ATP2A3: variants seen among roughly 807,000 people sequenced by gnomAD.
ATP2A3 encodes ATPase sarcoplasmic/endoplasmic reticulum Ca2+ transporting 3, also known as sarcoplasmic/endoplasmic reticulum calcium ATPase 3.
ATP2A3 carries 61 observed loss-of-function variants against 106.8 expected under a neutral mutation model. The ratio of observed to expected loss-of-function variants is 0.57; its 90% CI spans 0.46 to 0.71. The LOEUF is 0.71. ATP2A3 is among the 30% of genes least tolerant of loss of function. The probability of loss-of-function intolerance (pLI) is 0.00; values close to 1 mark genes in which losing one functional copy is unlikely to be tolerated. For synonymous variants in ATP2A3, 611 were observed against 609.3 expected, an observed-to-expected ratio of 1.00 and a Z score of -0.04; for missense variants, 1,201 against 1,423.5, an observed-to-expected ratio of 0.84 and a Z score of 2.52.
rs116795797 is a variant in ATP2A3, at chr17:3,929,852, C to A, written c.2745-407G>T. Among the ~76,000 whole-genome samples the A allele has an allele frequency of 0.011, 1,640 of 149,660 alleles. 26 individuals are homozygous for A. The highest frequency in any genetic ancestry group is 0.04 in the African/African-American group (1,572 of 39,264). On this transcript the variant is annotated intron_variant, in intron 18 of 20. Transcript: ENST00000397041. This position sits in a 1 kb window ranked among gnomAD's most constrained non-coding sequence, Gnocchi z 4.3. Reference sequence around the variant, plus strand: ...ACCCCTCTAACTCCCAGACCTCAGTCCTGGACTCCCCTGACCCCTGGAACC... The same window carrying A: ...ACCCCTCTAACTCCCAGACCTCAGTACTGGACTCCCCTGACCCCTGGAACC...
At position 3,953,261 on chromosome 17, in the gene ATP2A3, G is replaced by T; in HGVS notation, c.219+86C>A. 1 of 1,454,530 alleles carries T rather than the reference G, an allele frequency of 6.9e-7. No homozygotes were observed. Among genetic ancestry groups the T allele is most frequent in the Non-Finnish European group, 9.7e-7 (1 of 1,036,216 alleles). 90.1% of individuals were successfully genotyped at this position (1,454,530 alleles called of 1,614,324 possible). A position where few individuals can be genotyped will look rare whatever the true frequency, so the allele number is the denominator to read the frequency against. ...CCCAGGGTGTGGAGGACAGGCCCAG[G>T]CTCCAGGACCTCGGAGCACTGCCCA... On this transcript the variant is annotated intron_variant, in intron 3 of 20. Coordinates refer to ENST00000397041, the MANE Select transcript of ATP2A3 (RefSeq NM_005173.4). This position sits in a 1 kb window ranked among gnomAD's most constrained non-coding sequence, Gnocchi z 5.1.
Position 3,941,059 on chromosome 17 carries a change from C to T in ATP2A3, c.2012G>A (p.Arg671His), listed in dbSNP as rs141677456. The T allele has an allele frequency of 1.9e-5, 31 of 1,613,430 alleles. No homozygotes were observed. The African/African-American group carries it at 2.1e-4, about 11-fold the overall frequency. ...LSPEQQRQAC[R>H]TARCFARVEP... ...CACGCGGGCGAAGCAGCGGGCGGTGCGGCAGGCCTGGCGCTGCTGCTCGGG... is the reference window on the plus strand; with the variant it reads ...CACGCGGGCGAAGCAGCGGGCGGTGTGGCAGGCCTGGCGCTGCTGCTCGGG... The change falls in exon 14 of 21, where the codon CGC (arginine) becomes CAC (histidine). Residue 671 changes from arginine (R) to histidine (H), a missense_variant. Transcript: ENST00000397041.
Position 3,926,169 on chromosome 17 carries a change from T to A in ATP2A3, c.2981-728A>T, listed in dbSNP as rs1479478755. Reference sequence around the variant, plus strand: ...CAGAATTCTCCCCAGGACACATCCCTCGTAAATGACATAAATCACGGGGAA... The same window carrying A: ...CAGAATTCTCCCCAGGACACATCCCACGTAAATGACATAAATCACGGGGAA... On this transcript the variant is annotated intron_variant, in intron 20 of 20. Transcript: ENST00000397041. This position sits in a 1 kb window ranked among gnomAD's most constrained non-coding sequence, Gnocchi z 4.6. 5.3e-5 allele frequency among the ~76,000 whole-genome samples: 8 copies of A among 152,062 alleles called. No individual in the cohort carries two copies.
At chr17:3,945,218 C>T (rs2054046037) in intron 8 of ATP2A3, 70 bp from the exon 9 acceptor site, 1 of 1,457,124 alleles carries the variant, frequency 6.9e-7, no homozygotes, top group Non-Finnish European at 9.3e-7. Context: ...CAGTCGACCC[C>T]AGGGTGGGGT....
At position 3,924,723 on chromosome 17, in the gene ATP2A3, T is replaced by C; in HGVS notation, c.*699A>G. 2.2e-6 allele frequency: 1 copy of C among 456,262 alleles called. No individual in the cohort carries two copies. The highest frequency in any genetic ancestry group is 1.5e-5 in the South Asian group (1 of 64,542). 28.3% of individuals were successfully genotyped at this position (456,262 alleles called of 1,614,324 possible). A position where few individuals can be genotyped will look rare whatever the true frequency, so the allele number is the denominator to read the frequency against. On this transcript the variant is annotated 3_prime_UTR_variant, in exon 21 of 21. Transcript: ENST00000397041. The surrounding 1 kb of genome is among the most constrained non-coding windows in gnomAD (Gnocchi z 6.4). The stretch of plus-strand genomic sequence containing the variant: ...TCCAGCCAGGCTTTCCCGACTTGTC[T>C]CCCGGGAAAGGACATCCTCGCTCCG...
At position 3,930,202 on chromosome 17, in the gene ATP2A3, A is replaced by G; in HGVS notation, c.2744+99T>C. 1.8e-6 allele frequency: 2 copies of G among 1,127,384 alleles called. No individual in the cohort carries two copies. The highest frequency in any genetic ancestry group is 2.3e-6 in the Non-Finnish European group (2 of 883,258). 69.8% of individuals were successfully genotyped at this position (1,127,384 alleles called of 1,614,324 possible). ...GGCCCCAGCTCCAGGCCCTGCGCCC[A>G]GCCCACCTGGACCCCTGACCCTCAG... is the stretch of plus-strand genomic sequence containing the variant. On this transcript the variant is annotated intron_variant, in intron 18 of 20. Coordinates refer to ENST00000397041, the MANE Select transcript of ATP2A3 (RefSeq NM_005173.4). This position sits in a 1 kb window ranked among gnomAD's most constrained non-coding sequence, Gnocchi z 5.4.
chr17:3,946,747 G>T (rs980656342), intron 8 of ATP2A3, among the ~76,000 whole-genome samples: 1 of 152,170 alleles, frequency 6.6e-6, no homozygotes, highest in Admixed American at 6.5e-5. Flanking sequence ...GTGGAAGCAG[G>T]GGTGACAGAG....
chr17:3,927,656 C>T (rs1264867748), intron 20 of ATP2A3: 8 of 985,176 alleles, frequency 8.1e-6, no homozygotes, highest in Middle Eastern at 5.2e-4. Context: ...CCTTGCTCAG[C>T]TCCCCCCACC....
At position 3,925,411 on chromosome 17, in the gene ATP2A3, G is replaced by C. The variant is rs767781778; in HGVS notation, c.*11C>G. 1.2e-6 allele frequency: 2 copies of C among 1,613,850 alleles called. No individual in the cohort carries two copies. The highest frequency in any genetic ancestry group is 1.7e-6 in the Non-Finnish European group (2 of 1,179,920). On this transcript the variant is annotated 3_prime_UTR_variant, in exon 21 of 21. Coordinates refer to ENST00000397041, the MANE Select transcript of ATP2A3 (RefSeq NM_005173.4). The surrounding 1 kb of genome is among the most constrained non-coding windows in gnomAD (Gnocchi z 4.2). The stretch of plus-strand genomic sequence containing the variant: ...AGGTACACACCGGAGACTCCACTCT[G>C]TTCCCAGCGCTCACTTCTGGCTCAT...
rs1024634978 is a variant in ATP2A3, at chr17:3,953,556, G to A, written c.137-127C>T. On this transcript the variant is annotated intron_variant, in intron 2 of 20. Coordinates refer to ENST00000397041, the MANE Select transcript of ATP2A3 (RefSeq NM_005173.4). The surrounding 1 kb of genome is among the most constrained non-coding windows in gnomAD (Gnocchi z 5.1). The stretch of plus-strand genomic sequence containing the variant: ...ACTCAGAAGAGGGAGAACCCAGGTC[G>A]CTGAGAGGCTCAGGTGGGTGATCCT... 20 of 1,480,270 alleles carry A rather than the reference G, an allele frequency of 1.4e-5. No homozygotes were observed. Among genetic ancestry groups the A allele is most frequent in the Admixed American group, 3.8e-5 (2 of 52,116 alleles). The allele number at this position is 1,480,270 out of a possible 1,614,324, so 91.7% of individuals were successfully genotyped here. A position where few individuals can be genotyped will look rare whatever the true frequency, so the allele number is the denominator to read the frequency against.
rs891775239 is a variant in ATP2A3, at chr17:3,928,150, C to A, written c.2980+513G>T. 5.6e-6 allele frequency: 9 copies of A among 1,601,048 alleles called. No individual in the cohort carries two copies. The highest frequency in any genetic ancestry group is 7.7e-6 in the Non-Finnish European group (9 of 1,168,544). ...CCCGACACCTGCCATCCTGTCCTCT[C>A]CACTCCGGGGTTAAGGCAGACCCAG... is the stretch of plus-strand genomic sequence containing the variant. On this transcript the variant is annotated intron_variant, in intron 20 of 20. Coordinates refer to ENST00000397041, the MANE Select transcript of ATP2A3 (RefSeq NM_005173.4). The surrounding 1 kb of genome is among the most constrained non-coding windows in gnomAD (Gnocchi z 6.1).
Position 3,947,984 on chromosome 17 carries a change from G to T in ATP2A3, c.631-129C>A. ...CTTTCCTTTTCTCCATGTTGCTAGTGCTTCCAGACTCCTGTAGCTATGTAT... is the reference window on the plus strand; with the variant it reads ...CTTTCCTTTTCTCCATGTTGCTAGTTCTTCCAGACTCCTGTAGCTATGTAT... On this transcript the variant is annotated intron_variant, in intron 7 of 20. Transcript: ENST00000397041. The surrounding 1 kb of genome is among the most constrained non-coding windows in gnomAD (Gnocchi z 7.7). The T allele has an allele frequency of 1.1e-6, 1 of 886,404 alleles. No individual in the cohort carries two copies. The highest frequency in any genetic ancestry group is 1.5e-5 in the South Asian group (1 of 65,424). The allele number at this position is 886,404 out of a possible 1,614,324, so 54.9% of individuals were successfully genotyped here. A position where few individuals can be genotyped will look rare whatever the true frequency, so the allele number is the denominator to read the frequency against.
In ATP2A3 at chr17:3,944,787, C is replaced by T. The variant is rs1182251461; in HGVS notation, c.1204G>A (p.Val402Met). Residue 402 changes from valine (V) to methionine (M), a missense_variant, in exon 10 of 21, where the codon GTG becomes ATG. Val to Met is a conservative substitution (Grantham distance 21). Transcript: ENST00000397041. Reference sequence around the variant, plus strand: ...AGCCCGTCGAACTGGCCGCAGCGCACAGGCTGATCCCCCTGCCGCCTGCGG... The same window carrying T: ...AGCCCGTCGAACTGGCCGCAGCGCATAGGCTGATCCCCCTGCCGCCTGCGG... The part of the protein sequence containing the change: ...EGEVRQGDQP[V>M]RCGQFDGLVE... 6.2e-7 allele frequency: 1 copy of T among 1,611,752 alleles called. No individual in the cohort carries two copies. Among genetic ancestry groups the T allele is most frequent in the Non-Finnish European group, 8.5e-7 (1 of 1,179,184 alleles).
rs969067640 is a variant in ATP2A3, at chr17:3,947,059, G to A, written c.1095+332C>T. On this transcript the variant is annotated intron_variant, in intron 8 of 20. Coordinates refer to ENST00000397041, the MANE Select transcript of ATP2A3 (RefSeq NM_005173.4). The surrounding 1 kb of genome is among the most constrained non-coding windows in gnomAD (Gnocchi z 7.7). ...AGGCCCAGCTTGGCCCCTATGCCAA[G>A]GCTGAACTTGAGCCTCTCCTATGTC... is the stretch of plus-strand genomic sequence containing the variant. Among the ~76,000 whole-genome samples the A allele has an allele frequency of 2.0e-5, 3 of 152,248 alleles. No individual in the cohort carries two copies. Among genetic ancestry groups the A allele is most frequent in the African/African-American group, 4.8e-5 (2 of 41,462 alleles).
rs1201081232 is a variant in ATP2A3, at chr17:3,964,158, C to T, written c.118+16G>A. ...GCGGCCCCCGCTCCCCGGCCCGGCC[C>T]GGCCCGCGCGCTCACCGTTGGGGCC... On this transcript the variant is annotated intron_variant, in intron 1 of 20. Coordinates refer to ENST00000397041, the MANE Select transcript of ATP2A3 (RefSeq NM_005173.4). 1.3e-5 allele frequency: 15 copies of T among 1,144,744 alleles called. 1 individual carries two copies. The South Asian group carries it at 4.2e-4, about 32-fold the overall frequency. 70.9% of individuals were successfully genotyped at this position (1,144,744 alleles called of 1,614,324 possible).
chr17:3,943,293 G>T (rs1355018393), intron 11 of ATP2A3, 98 bp downstream of exon 11: 1 of 1,473,576 alleles, frequency 6.8e-7, no homozygotes, highest in Non-Finnish European at 9.2e-7. Context: ...AAAACAAAAC[G>T]AAACAAAACA....
chr17:3,943,184 A>G (rs1292163262), intron 11 of ATP2A3, among the ~76,000 whole-genome samples: 1 of 151,976 alleles, frequency 6.6e-6, no homozygotes, highest in East Asian at 1.9e-4. Flanking sequence ...AGGCACGAGA[A>G]TCACTTGAAC....
At chr17:3,959,924 C>G (rs962020356) in intron 1 of ATP2A3, among the ~76,000 whole-genome samples, 6 of 152,242 alleles carry the variant, frequency 3.9e-5, no homozygotes, top group African/African-American at 1.4e-4. Flanking sequence ...AATACAGGCC[C>G]TGCCTTAGGG....
intron 14 of ATP2A3, among the ~76,000 whole-genome samples, chr17:3,938,894 G>A (rs2053590741): frequency 6.6e-6 from 1 of 152,198 alleles, no homozygotes; most frequent in African/African-American, 2.4e-5. Context: ...CGGGCTGGGT[G>A]TGGTGGCCCA....
Sources: gnomAD v4.1 joint callset for allele counts (sites outside exome capture counted in the v4.1 genomes callset) on GRCh38, gnomAD v4.1.1 for gene constraint, Gnocchi (gnomAD v3.1) non-coding constraint, MANE v1.5 for transcripts, NCBI Gene and HGNC (gene_info 2026-07-23, HGNC 2026-07-21) for gene names.